The following CHN2 variants were observed in gnomAD, a reference collection of about 807,000 sequenced individuals.
CHN2 encodes the protein chimerin 2, also known as beta-chimaerin.
CHN2 carries 35 observed loss-of-function variants against 56.3 expected under a neutral mutation model. That is an observed-to-expected ratio of 0.62 (90% CI 0.47 to 0.82). The LOEUF (loss-of-function observed/expected upper bound fraction) is 0.82, where lower values mean the gene tolerates loss of function less well. CHN2 is among the 40% of genes least tolerant of loss of function. CHN2 has a pLI of 0.00. For synonymous variants in CHN2, 210 were observed against 212.8 expected, an observed-to-expected ratio of 0.99 and a Z score of 0.12; for missense variants, 491 against 580.5, an observed-to-expected ratio of 0.85 and a Z score of 1.58.
At chr7:29,149,341 C>T (rs1043952443) in intron 2 of CHN2, among the ~76,000 whole-genome samples, 18 of 151,830 alleles carry the variant, frequency 1.2e-4, no homozygotes, top group African/African-American at 3.6e-4. Context: ...TACAAGCACC[C>T]GCCACCACAG....
intron 2 of CHN2, among the ~76,000 whole-genome samples, chr7:29,148,896 G>A (rs1009518624): frequency 5.9e-5 from 9 of 152,086 alleles, no homozygotes; most frequent in African/African-American, 1.7e-4. Context: ...GACTCTGCCC[G>A]AAGAGCCAGG....
intron 6 of CHN2, among the ~76,000 whole-genome samples, chr7:29,444,026 T>C (rs564912444): frequency 6.6e-6 from 1 of 152,340 alleles, no homozygotes; most frequent in South Asian, 2.1e-4. Context: ...TGGTTTTGCT[T>C]ATAGAGCAAC....
At chr7:29,290,955 T>C (rs956378647) in intron 1 of CHN2, among the ~76,000 whole-genome samples, 1 of 152,116 alleles carries the variant, frequency 6.6e-6, no homozygotes, top group Non-Finnish European at 1.5e-5. Flanking sequence ...GGTTAGACCT[T>C]TGACTTGGGG....
intron 1 of CHN2, among the ~76,000 whole-genome samples, chr7:29,281,296 C>T (rs1027740625): frequency 6.6e-6 from 1 of 152,104 alleles, no homozygotes; most frequent in African/African-American, 2.4e-5. Flanking sequence ...GAAATGATAA[C>T]CTACTATTCA....
intron 6 of CHN2, among the ~76,000 whole-genome samples, chr7:29,426,206 CAAAAAAAA>C (rs10630481): frequency 1.7e-4 from 14 of 83,910 alleles, no homozygotes; most frequent in Admixed American, 5.1e-4. Flanking sequence ...GACTCTGTCT[CAAAAAAAA>C]AAAAAAAAAA....
chr7:29,224,044 G>T (rs1786001668), intron 1 of CHN2, among the ~76,000 whole-genome samples: 3 of 152,158 alleles, frequency 2.0e-5, no homozygotes, highest in African/African-American at 7.2e-5. Context: ...TCAAGGGAAA[G>T]GTGGGCCAGA....
intron 1 of CHN2, among the ~76,000 whole-genome samples, chr7:29,301,876 C>A (rs1183315126): frequency 2.0e-5 from 3 of 152,178 alleles, no homozygotes; most frequent in Non-Finnish European, 4.4e-5. Flanking sequence ...CCGACTTAAA[C>A]ATATATTTCC....
chr7:29,181,600 T>TA (rs1307494619), intron 2 of CHN2, among the ~76,000 whole-genome samples: 14 of 152,204 alleles, frequency 9.2e-5, no homozygotes, highest in Non-Finnish European at 1.5e-5. Flanking sequence ...TAGGAATCTA[T>TA]AAGACATAGG....
intron 2 of CHN2, among the ~76,000 whole-genome samples, chr7:29,170,927 G>T (rs1425006429): frequency 6.6e-6 from 1 of 152,142 alleles, no homozygotes; most frequent in Non-Finnish European, 1.5e-5. Flanking sequence ...ACTATCACAA[G>T]AAAAACATGG....
At chr7:29,353,845 G>A (rs570865965) in intron 1 of CHN2, among the ~76,000 whole-genome samples, 246 of 152,264 alleles carry the variant, frequency 1.6e-3, no homozygotes, top group Non-Finnish European at 2.9e-3. Flanking sequence ...GAGTTAGACC[G>A]TGTTTTCCCA....
chr7:29,459,198 C>G (rs772195757), intron 6 of CHN2, among the ~76,000 whole-genome samples: 3 of 152,174 alleles, frequency 2.0e-5, no homozygotes, highest in Non-Finnish European at 4.4e-5. Flanking sequence ...CAAGTTCACA[C>G]GGTTTAACTT....
intron 1 of CHN2, among the ~76,000 whole-genome samples, chr7:29,248,034 G>A (rs1464808030): frequency 6.6e-6 from 1 of 152,242 alleles, no homozygotes; most frequent in Non-Finnish European, 1.5e-5. Flanking sequence ...CCAACCAGCT[G>A]GCAGTGGGTT....
intron 1 of CHN2, among the ~76,000 whole-genome samples, chr7:29,339,782 G>C (rs1372841970): frequency 6.6e-6 from 1 of 152,016 alleles, no homozygotes; most frequent in Non-Finnish European, 1.5e-5. Context: ...GAACTAGGGA[G>C]GTGGAGGTTG....
chr7:29,255,216 C>T (rs1194213330), intron 1 of CHN2, among the ~76,000 whole-genome samples: 1 of 152,184 alleles, frequency 6.6e-6, no homozygotes, highest in Non-Finnish European at 1.5e-5. Context: ...TCTGCATTTC[C>T]CTTTGCCTGG....
At chr7:29,197,902 T>G in intron 1 of CHN2, 2 of 456,202 alleles carry the variant, frequency 4.4e-6, no homozygotes, top group Non-Finnish European at 8.8e-6. Flanking sequence ...CCTTGAAAGC[T>G]GAGTAGAATT....
chr7:29,445,826 G>T (rs1297084665), intron 6 of CHN2, among the ~76,000 whole-genome samples: 1 of 151,940 alleles, frequency 6.6e-6, no homozygotes, highest in Non-Finnish European at 1.5e-5. Context: ...TCATCAAATG[G>T]GTGAGATCAG....
chr7:29,447,538 C>T (rs565465557), intron 6 of CHN2, among the ~76,000 whole-genome samples: 57 of 152,174 alleles, frequency 3.7e-4, no homozygotes, highest in African/African-American at 1.4e-3. Flanking sequence ...AAATAATGGC[C>T]TCAAATTTTC....
intron 1 of CHN2, among the ~76,000 whole-genome samples, chr7:29,302,826 A>G (rs1793803899): frequency 1.3e-5 from 2 of 152,234 alleles, no homozygotes; most frequent in South Asian, 4.2e-4. Flanking sequence ...TGACTACTCC[A>G]CATACCTCAT....
intron 1 of CHN2, among the ~76,000 whole-genome samples, chr7:29,229,674 C>A (rs1212527215): frequency 6.6e-6 from 1 of 152,176 alleles, no homozygotes; most frequent in Non-Finnish European, 1.5e-5. Context: ...AGCCTGACAC[C>A]TTTTGTTGTA....
Sources: gnomAD v4.1 joint callset for allele counts (sites outside exome capture counted in the v4.1 genomes callset) on GRCh38, gnomAD v4.1.1 for gene constraint, MANE v1.5 for transcripts, NCBI Gene and HGNC (gene_info 2026-07-23, HGNC 2026-07-21) for gene names.